The following ERG variants were observed in gnomAD, a reference collection of about 807,000 sequenced individuals.
The protein encoded by ERG is ETS transcription factor ERG, also known as transcriptional regulator ERG.
Under a neutral mutation model 55.3 loss-of-function variants are expected in ERG, and 9 were observed. The ratio of observed to expected loss-of-function variants is 0.16; its 90% CI spans 0.10 to 0.28. The LOEUF (loss-of-function observed/expected upper bound fraction) is 0.28, where lower values mean the gene tolerates loss of function less well. Ranked by LOEUF, ERG falls within the 10% of genes least tolerant of loss-of-function variation. The probability of loss-of-function intolerance (pLI) is 1.00; values close to 1 mark genes in which losing one functional copy is unlikely to be tolerated. For missense variants in ERG, 434 were observed against 631.6 expected (o/e 0.69, Z 3.35); for synonymous variants, 223 against 237.3 (o/e 0.94, Z 0.55).
intron 1 of ERG, among the ~76,000 whole-genome samples, chr21:38,476,171 C>T (rs1053049756): frequency 2.6e-5 from 4 of 152,074 alleles, no homozygotes; most frequent in East Asian, 1.9e-4. Context: ...CAGAACTCCT[C>T]GCTGCTTAGG....
intron 2 of ERG, among the ~76,000 whole-genome samples, chr21:38,557,200 G>C (rs1350109897): frequency 2.0e-5 from 3 of 152,208 alleles, no homozygotes; most frequent in Admixed American, 2.0e-4. Context: ...AGAGTGCTAA[G>C]AAAAGTGTTA....
chr21:38,648,117 C>A (rs972294308), intron 1 of ERG, among the ~76,000 whole-genome samples: 1 of 152,168 alleles, frequency 6.6e-6, no homozygotes, highest in Non-Finnish European at 1.5e-5. Flanking sequence ...ATGTAATATG[C>A]AATTCTTTTT....
At chr21:38,491,285 C>T (rs866337656) in intron 1 of ERG, among the ~76,000 whole-genome samples, 12 of 150,718 alleles carry the variant, frequency 8.0e-5, no homozygotes, top group Middle Eastern at 3.5e-3. Context: ...TGCTGGCTGA[C>T]GATCTGAATG....
chr21:38,515,052 C>T (rs997853096), intron 2 of ERG, among the ~76,000 whole-genome samples: 5 of 151,730 alleles, frequency 3.3e-5, no homozygotes, highest in Non-Finnish European at 7.4e-5. Context: ...AACCTCTACA[C>T]CAAAAACTAC....
upstream of ERG, among the ~76,000 whole-genome samples, chr21:38,589,778 G>A (rs569407961): frequency 1.3e-5 from 2 of 152,284 alleles, no homozygotes; most frequent in East Asian, 3.9e-4. Context: ...CTATGGTAGG[G>A]AAGAGTATAA....
At chr21:38,604,022 G>A (rs534733727) in intron 1 of ERG, among the ~76,000 whole-genome samples, 1 of 152,150 alleles carries the variant, frequency 6.6e-6, no homozygotes, top group East Asian at 1.9e-4. Context: ...GCCGAGGCGG[G>A]CGGATCATGA....
chr21:38,409,252 G>A (rs112853186), intron 3 of ERG, among the ~76,000 whole-genome samples: 5,800 of 152,136 alleles, frequency 0.038, 104 homozygotes, highest in Middle Eastern at 0.058. Flanking sequence ...GGGAGGCCAA[G>A]GCGGGTGGAT....
At chr21:38,645,015 C>T (rs1283325106) in intron 1 of ERG, among the ~76,000 whole-genome samples, 2 of 152,134 alleles carry the variant, frequency 1.3e-5, no homozygotes, top group East Asian at 1.9e-4. Context: ...AAAACTTAGC[C>T]GGGCATGGCA....
intron 2 of ERG, among the ~76,000 whole-genome samples, chr21:38,557,923 G>A (rs1212312496): frequency 6.6e-6 from 1 of 152,074 alleles, no homozygotes; most frequent in Non-Finnish European, 1.5e-5. Flanking sequence ...TTCAACTAAT[G>A]AACAAAACTT....
At chr21:38,622,950 CACACAT>C (rs1393320988) in intron 1 of ERG, among the ~76,000 whole-genome samples, 3,576 of 10,270 alleles carry the variant, frequency 0.35, 44 homozygotes, top group South Asian at 0.4. Flanking sequence ...CACACACACA[CACACAT>C]CAGCACACAC....
chr21:38,554,178 T>C (rs1185545816), intron 2 of ERG, among the ~76,000 whole-genome samples: 2 of 152,020 alleles, frequency 1.3e-5, no homozygotes, highest in Admixed American at 1.3e-4. Flanking sequence ...AGTCAAAAAA[T>C]AACACATGTT....
chr21:38,567,008 CTGAT>C (rs950579352), intron 2 of ERG, among the ~76,000 whole-genome samples: 11 of 152,216 alleles, frequency 7.2e-5, no homozygotes, highest in African/African-American at 2.7e-4. Context: ...CTTACACTTC[CTGAT>C]TAAGTTGGTG....
intron 2 of ERG, among the ~76,000 whole-genome samples, chr21:38,439,488 C>T (rs1248095130): frequency 6.6e-6 from 1 of 152,142 alleles, no homozygotes; most frequent in Non-Finnish European, 1.5e-5. Flanking sequence ...TTTAGTTTGG[C>T]CACACACTGA....
At chr21:38,487,559 G>C (rs756336943) in intron 1 of ERG, among the ~76,000 whole-genome samples, 2 of 152,228 alleles carry the variant, frequency 1.3e-5, no homozygotes, top group Non-Finnish European at 2.9e-5. Flanking sequence ...TCTGTCTGCT[G>C]TCTGGTCCTG....
chr21:38,630,615 T>G (rs1282231044), intron 1 of ERG, among the ~76,000 whole-genome samples: 1 of 152,258 alleles, frequency 6.6e-6, no homozygotes, highest in Non-Finnish European at 1.5e-5. Context: ...CAATGTTGAC[T>G]TTGTTCTGGG....
intron 2 of ERG, among the ~76,000 whole-genome samples, chr21:38,552,407 T>C (rs932465645): frequency 3.9e-5 from 6 of 152,234 alleles, no homozygotes; most frequent in South Asian, 4.1e-4. Context: ...CCAATATTCA[T>C]GATGAACAGG....
At chr21:38,447,205 T>C (rs2058900216) in intron 1 of ERG, among the ~76,000 whole-genome samples, 1 of 152,018 alleles carries the variant, frequency 6.6e-6, no homozygotes, top group Non-Finnish European at 1.5e-5. Context: ...CACACGGCAC[T>C]GAGAATCAGC....
chr21:38,451,410 T>G (rs1051833403), intron 1 of ERG, among the ~76,000 whole-genome samples: 3 of 152,186 alleles, frequency 2.0e-5, no homozygotes, highest in African/African-American at 7.2e-5. Context: ...CATGGCCAGG[T>G]GTTGGGATGT....
intron 1 of ERG, among the ~76,000 whole-genome samples, chr21:38,621,369 A>G (rs553149139): frequency 3.3e-4 from 51 of 152,250 alleles, no homozygotes; most frequent in Middle Eastern, 6.8e-3. Context: ...TGACCAGTAA[A>G]AGTGAGCAAA....
Sources: gnomAD v4.1 joint callset for allele counts (sites outside exome capture counted in the v4.1 genomes callset) on GRCh38, gnomAD v4.1.1 for gene constraint, MANE v1.5 for transcripts, NCBI Gene and HGNC (gene_info 2026-07-23, HGNC 2026-07-21) for gene names.